MSRA: variants seen among roughly 807,000 people sequenced by gnomAD.
MSRA encodes mitochondrial peptide methionine sulfoxide reductase.
MSRA carries 54 observed loss-of-function variants against 31.3 expected under a neutral mutation model. That is an observed-to-expected ratio of 1.73 (90% CI 1.39 to 2.17). MSRA has a LOEUF of 2.17. Ranked by LOEUF, MSRA falls within the 30% of genes most tolerant of loss-of-function variation. The pLI, the probability that MSRA is intolerant of heterozygous loss-of-function variation, is 0.00. For missense variants in MSRA, 507 were observed against 300.9 expected, an observed-to-expected ratio of 1.69 and a Z score of -5.07; for synonymous variants, 169 against 116.5, an observed-to-expected ratio of 1.45 and a Z score of -2.90.
chr8:10,379,473 C>A (rs533627070), intron 5 of MSRA, among the ~76,000 whole-genome samples: 2 of 152,336 alleles, frequency 1.3e-5, no homozygotes, highest in South Asian at 4.1e-4. Context: ...GGGCTGGAGC[C>A]TGTGGCCTCG....
intron 1 of MSRA, among the ~76,000 whole-genome samples, chr8:10,202,239 C>G (rs1292969924): frequency 1.3e-5 from 2 of 152,178 alleles, no homozygotes; most frequent in Non-Finnish European, 2.9e-5. Context: ...CAAATACTTG[C>G]CTTAGCAGAA....
chr8:10,324,231 C>T (rs1021736485), intron 5 of MSRA, among the ~76,000 whole-genome samples: 1 of 152,152 alleles, frequency 6.6e-6, no homozygotes, highest in African/African-American at 2.4e-5. Context: ...GGAACTGAAT[C>T]TTTTAATTAA....
At chr8:10,147,807 A>G (rs1246308090) in intron 1 of MSRA, among the ~76,000 whole-genome samples, 2 of 152,184 alleles carry the variant, frequency 1.3e-5, no homozygotes, top group African/African-American at 4.8e-5. Context: ...GGGCTCGGAG[A>G]CAGGTCACCG....
intron 2 of MSRA, among the ~76,000 whole-genome samples, chr8:10,212,622 C>T (rs181216769): frequency 7.4e-4 from 113 of 152,226 alleles, no homozygotes; most frequent in African/African-American, 2.7e-3. Flanking sequence ...TGTGATACTT[C>T]AATAAGAGTG....
rs1346964253 is a variant in MSRA at position 10,147,956 on chromosome 8, A to C, written c.143-59877A>C. On this transcript the variant is annotated intron_variant, in intron 1 of 5. Transcript: ENST00000317173. ...GAAAACGACTTTAGAGGGACCGGAA[A>C]GGGGAAGCGAGTCTCCCATGGTTTG... 3.9e-5 allele frequency among the ~76,000 whole-genome samples: 6 copies of C among 152,212 alleles called. No individual in the cohort carries two copies. In the South Asian group the frequency reaches 1.2e-3, roughly 32 times the overall value.
chr8:10,362,795 CTT>C (rs1804929592), intron 5 of MSRA, among the ~76,000 whole-genome samples: 2 of 152,122 alleles, frequency 1.3e-5, no homozygotes, highest in South Asian at 2.1e-4. Context: ...CCTTTTTCCT[CTT>C]TGTCGGTTTT....
chr8:10,334,020 C>T (rs1215000589), intron 5 of MSRA, among the ~76,000 whole-genome samples: 1 of 152,152 alleles, frequency 6.6e-6, no homozygotes, highest in Non-Finnish European at 1.5e-5. Context: ...TCCCCCTACC[C>T]GCCATTCGTG....
chr8:10,300,458 G>C (rs1800782335), intron 3 of MSRA, among the ~76,000 whole-genome samples: 1 of 152,044 alleles, frequency 6.6e-6, no homozygotes, highest in African/African-American at 2.4e-5. Flanking sequence ...GTTACACCAT[G>C]TTGGCCAGGC....
intron 4 of MSRA, among the ~76,000 whole-genome samples, chr8:10,313,524 G>C (rs1282498921): frequency 1.3e-5 from 2 of 151,752 alleles, no homozygotes; most frequent in Non-Finnish European, 2.9e-5. Context: ...TGGCTTAGTA[G>C]TTAGGCAGCT....
chr8:10,350,216 C>T (rs1160723272), intron 5 of MSRA, among the ~76,000 whole-genome samples: 4 of 152,256 alleles, frequency 2.6e-5, no homozygotes, highest in Non-Finnish European at 2.9e-5. Flanking sequence ...CTCACAAAGA[C>T]ACCTGCTTTG....
At chr8:10,411,924 C>T (rs931105056) in intron 5 of MSRA, among the ~76,000 whole-genome samples, 7 of 152,188 alleles carry the variant, frequency 4.6e-5, no homozygotes, top group Admixed American at 3.3e-4. Flanking sequence ...GACACCGCCC[C>T]TGGGAAGGGA....
intron 5 of MSRA, among the ~76,000 whole-genome samples, chr8:10,400,494 G>A (rs1807392827): frequency 6.6e-6 from 1 of 152,134 alleles, no homozygotes; most frequent in African/African-American, 2.4e-5. Flanking sequence ...GCAGGAGTGA[G>A]AACAGGTATG....
intron 5 of MSRA, among the ~76,000 whole-genome samples, chr8:10,404,342 C>G (rs1210180489): frequency 2.6e-5 from 4 of 152,196 alleles, no homozygotes; most frequent in Non-Finnish European, 4.4e-5. Flanking sequence ...TCTCCCCAGC[C>G]CCGTGACAAA....
At chr8:10,327,394 T>C (rs891098149) in intron 5 of MSRA, among the ~76,000 whole-genome samples, 2 of 152,206 alleles carry the variant, frequency 1.3e-5, no homozygotes, top group East Asian at 3.8e-4. Context: ...TAATACAGGG[T>C]CATTTTAAAG....
At chr8:10,114,027 T>G (rs1234612843) in intron 1 of MSRA, among the ~76,000 whole-genome samples, 1 of 152,200 alleles carries the variant, frequency 6.6e-6, no homozygotes, top group Non-Finnish European at 1.5e-5. Flanking sequence ...ATTTGTCTAT[T>G]CTGGACCTTT....
chr8:10,417,121 G>A (rs1020443410), intron 5 of MSRA, among the ~76,000 whole-genome samples: 9 of 152,194 alleles, frequency 5.9e-5, no homozygotes, highest in Non-Finnish European at 1.0e-4. Flanking sequence ...GCATAAGCAG[G>A]TCTCTTAATG....
At chr8:10,235,533 G>A (rs973137447) in intron 2 of MSRA, among the ~76,000 whole-genome samples, 1 of 152,002 alleles carries the variant, frequency 6.6e-6, no homozygotes, top group Non-Finnish European at 1.5e-5. Flanking sequence ...CAAGATAATA[G>A]TAAAGAAAGA....
intron 3 of MSRA, among the ~76,000 whole-genome samples, chr8:10,283,020 T>G (rs968616221): frequency 6.6e-6 from 1 of 152,022 alleles, no homozygotes; most frequent in South Asian, 2.1e-4. Flanking sequence ...AGATGAAAAT[T>G]CCATTCTTAA....
chr8:10,409,982 C>A (rs1808057225), intron 5 of MSRA, among the ~76,000 whole-genome samples: 1 of 152,202 alleles, frequency 6.6e-6, no homozygotes, highest in South Asian at 2.1e-4. Flanking sequence ...ATCGCTGGAG[C>A]CCAGGAGTTT....
Sources: allele counts gnomAD v4.1 joint callset (sites outside exome capture counted in the v4.1 genomes callset), GRCh38; gene constraint gnomAD v4.1.1; transcripts MANE v1.5; gene names NCBI Gene and HGNC (gene_info 2026-07-23, HGNC 2026-07-21).